COX10: variants seen among roughly 807,000 people sequenced by gnomAD.
COX10 encodes the protein protoheme IX farnesyltransferase, mitochondrial.
A neutral mutation model predicts 37.3 loss-of-function variants in COX10; 27 were observed. The observed-to-expected ratio is 0.72, with a 90% CI of 0.53 to 1.00. The LOEUF (loss-of-function observed/expected upper bound fraction) is 1.00. Among genes scored for constraint, COX10 ranks in the 50% least tolerant of loss-of-function variants. COX10 has a pLI of 0.00. For synonymous variants in COX10, 222 were observed against 229.1 expected, an observed-to-expected ratio of 0.97 and a Z score of 0.28; for missense variants, 475 against 563.2, an observed-to-expected ratio of 0.84 and a Z score of 1.59.
At position 14,207,192 on chromosome 17, in the gene COX10, C is replaced by CTT; in HGVS notation, c.1311_1312insTT (p.Ala438LeufsTer39). 6.3e-7 allele frequency: 1 copy of CTT among 1,598,800 alleles called. No homozygotes were observed. The highest frequency in any genetic ancestry group is 1.1e-5 in the South Asian group (1 of 90,342). On this transcript the variant is annotated frameshift_variant, in exon 7 of 7. Coordinates refer to ENST00000261643, the MANE Select transcript of COX10 (RefSeq NM_001303.4). LOFTEE classifies it high-confidence loss of function. Reference sequence around the variant, plus strand: ...GCAAGCGGCCGAGCGGAGGCGGGGACGCAGGGCCCCCTCCCAGCTGAGAGC... The same window carrying CTT: ...GCAAGCGGCCGAGCGGAGGCGGGGACTTGCAGGGCCCCCTCCCAGCTGAGAGC...
At position 14,069,743 on chromosome 17, in the gene COX10, C is replaced by T. The variant is rs1211549511; in HGVS notation, c.43+95C>T. On this transcript the variant is annotated intron_variant, in intron 1 of 6. Coordinates refer to ENST00000261643, the MANE Select transcript of COX10 (RefSeq NM_001303.4). ...TCCGGCTGGCTGCAACCTTGGGGAG[C>T]CCTTGGCGAGGTTGGCCGGCCACCG... The T allele has an allele frequency of 6.5e-6, 10 of 1,531,902 alleles. No individual in the cohort carries two copies. In the Admixed American group the frequency reaches 8.7e-5, roughly 13 times the overall value. The allele number at this position is 1,531,902 out of a possible 1,614,324, so 94.9% of individuals were successfully genotyped here.
rs542071849 is a variant in COX10, at chr17:14,102,590, T to C, written c.624+348T>C. Among the ~76,000 whole-genome samples the C allele has an allele frequency of 3.9e-5, 6 of 152,268 alleles. 1 individual carries two copies. In the South Asian group the frequency reaches 1.0e-3, roughly 26 times the overall value. ...TGAGCTTGTCATTGTGCACTACTCT[T>C]TCTTGGTTTGATTTCTTTGCATTTT... On this transcript the variant is annotated intron_variant, in intron 4 of 6. Transcript: ENST00000261643.
At chr17:14,069,923 T>G (rs1037824944) in intron 1 of COX10, among the ~76,000 whole-genome samples, 57 of 152,134 alleles carry the variant, frequency 3.7e-4, no homozygotes, top group Admixed American at 3.7e-3. Flanking sequence ...GGTTTTCAGA[T>G]AGTGGAAGCT....
intron 5 of COX10, among the ~76,000 whole-genome samples, chr17:14,171,994 G>T (rs1379582520): frequency 6.6e-6 from 1 of 151,964 alleles, no homozygotes; most frequent in Non-Finnish European, 1.5e-5. Context: ...ATTTACCCTG[G>T]AATCTGTGCC....
chr17:14,112,742 A>G (rs1192572009), intron 4 of COX10, among the ~76,000 whole-genome samples: 1 of 152,122 alleles, frequency 6.6e-6, no homozygotes, highest in Non-Finnish European at 1.5e-5. Context: ...TGTGCATGTG[A>G]TAGGGGAACT....
intron 5 of COX10, among the ~76,000 whole-genome samples, chr17:14,168,243 C>T (rs1443842383): frequency 1.3e-5 from 2 of 152,238 alleles, no homozygotes; most frequent in African/African-American, 4.8e-5. Flanking sequence ...GTCTCACATC[C>T]AGGGCACACT....
chr17:14,188,213 G>GAAAA lies in COX10; in HGVS notation c.696-3768_696-3765dup, dbSNP rs10648666. On this transcript the variant is annotated intron_variant, in intron 5 of 6. Coordinates refer to ENST00000261643, the MANE Select transcript of COX10 (RefSeq NM_001303.4). ...AGCTAGTTTTTTAGAGTCTCATAGG[G>GAAAA]AAAAAAAAAAATCTGTTCTTATAAG... Among the ~76,000 whole-genome samples, 1,116 of 139,404 alleles carry GAAAA rather than the reference G, an allele frequency of 8.0e-3. 14 individuals carry two copies. The highest frequency in any genetic ancestry group is 0.028 in the African/African-American group (1,048 of 37,908). 91.5% of individuals were successfully genotyped at this position (139,404 alleles called of 152,430 possible).
chr17:14,141,117 A>T (rs1463417899), intron 4 of COX10, among the ~76,000 whole-genome samples: 1 of 151,996 alleles, frequency 6.6e-6, no homozygotes, highest in Middle Eastern at 3.2e-3. Context: ...GTGTTAATTT[A>T]TCTGTTTTAC....
intron 5 of COX10, among the ~76,000 whole-genome samples, chr17:14,185,921 C>G (rs910140001): frequency 4.0e-5 from 6 of 151,584 alleles, no homozygotes; most frequent in Non-Finnish European, 7.4e-5. Context: ...GTCATTAGAC[C>G]AAAGAGTCGT....
At chr17:14,082,521 G>T (rs1454799685) in intron 3 of COX10, among the ~76,000 whole-genome samples, 2 of 152,110 alleles carry the variant, frequency 1.3e-5, no homozygotes, top group Non-Finnish European at 2.9e-5. Context: ...AGGATAACTA[G>T]TTTAAGATGA....
At position 14,207,461 on chromosome 17, in the gene COX10, A is replaced by C. The variant is rs1336699547; in HGVS notation, c.*248A>C. ...TTTTTCCCTTTGAGGGTCTTTATAC[A>C]TCTCTCCTCCAACCCCACCCTCTAT... is the stretch of plus-strand genomic sequence containing the variant. On this transcript the variant is annotated 3_prime_UTR_variant, in exon 7 of 7. Transcript: ENST00000261643. The C allele has an allele frequency of 3.9e-6, 2 of 512,024 alleles. No homozygotes were observed. Among genetic ancestry groups the C allele is most frequent in the Non-Finnish European group, 3.4e-6 (1 of 293,134 alleles). 31.7% of individuals were successfully genotyped at this position (512,024 alleles called of 1,614,324 possible). A position where few individuals can be genotyped will look rare whatever the true frequency, so the allele number is the denominator to read the frequency against.
chr17:14,073,012 A>C (rs1915060668), intron 1 of COX10, among the ~76,000 whole-genome samples: 1 of 152,218 alleles, frequency 6.6e-6, no homozygotes, highest in Non-Finnish European at 1.5e-5. Context: ...AGTGGTGTGC[A>C]AATAAGGAAA....
chr17:14,177,366 A>T (rs564542454), intron 5 of COX10: 55 of 494,078 alleles, frequency 1.1e-4, no homozygotes, highest in African/African-American at 8.0e-4. Flanking sequence ...CTTATAGTTT[A>T]AAAAAAATGA....
At chr17:14,120,452 G>A (rs900269668) in intron 4 of COX10, among the ~76,000 whole-genome samples, 3 of 152,142 alleles carry the variant, frequency 2.0e-5, no homozygotes, top group African/African-American at 7.2e-5. Flanking sequence ...GAAAACCAAG[G>A]TATCACAGAA....
intron 4 of COX10, among the ~76,000 whole-genome samples, chr17:14,147,825 A>G (rs1904770580): frequency 6.6e-6 from 1 of 151,662 alleles, no homozygotes; most frequent in Non-Finnish European, 1.5e-5. Flanking sequence ...GTCTTTATAG[A>G]CAGTTGAAAA....
chr17:14,105,673 A>G (rs1915875703), intron 4 of COX10, among the ~76,000 whole-genome samples: 1 of 152,186 alleles, frequency 6.6e-6, no homozygotes, highest in African/African-American at 2.4e-5. Context: ...GTGAGAAAAT[A>G]TAGATAAGCA....
intron 4 of COX10, among the ~76,000 whole-genome samples, chr17:14,131,009 A>C (rs1455257583): frequency 6.6e-6 from 1 of 152,134 alleles, no homozygotes; most frequent in Non-Finnish European, 1.5e-5. Flanking sequence ...CACCTAGTTC[A>C]CCACTATTCC....
chr17:14,188,369 A>G (rs1906102952), intron 5 of COX10, among the ~76,000 whole-genome samples: 1 of 151,922 alleles, frequency 6.6e-6, no homozygotes, highest in African/African-American at 2.4e-5. Context: ...TTTCATCTGG[A>G]AAATCATATT....
intron 5 of COX10, among the ~76,000 whole-genome samples, chr17:14,172,776 C>A (rs1472310274): frequency 6.6e-6 from 1 of 151,834 alleles, no homozygotes; most frequent in Non-Finnish European, 1.5e-5. Flanking sequence ...CGGTTTCGAA[C>A]TCCTGGGCTC....
Sources: gnomAD v4.1 joint callset for allele counts (sites outside exome capture counted in the v4.1 genomes callset) on GRCh38, gnomAD v4.1.1 for gene constraint, MANE v1.5 for transcripts, NCBI Gene and HGNC (gene_info 2026-07-23, HGNC 2026-07-21) for gene names.